NCAPD3: variants seen among roughly 807,000 people sequenced by gnomAD.
NCAPD3 encodes condensin-2 complex subunit D3.
A neutral mutation model predicts 182.9 loss-of-function variants in NCAPD3; 105 were observed. The ratio of observed to expected loss-of-function variants is 0.57; its 90% CI spans 0.49 to 0.68. NCAPD3 has a LOEUF of 0.68. Ranked by LOEUF, NCAPD3 falls within the 30% of genes least tolerant of loss-of-function variation. The probability of loss-of-function intolerance (pLI) is 0.00; values close to 1 mark genes in which losing one functional copy is unlikely to be tolerated. For synonymous variants in NCAPD3, 815 were observed against 679.9 expected, an observed-to-expected ratio of 1.20 and a Z score of -3.09; for missense variants, 1,944 against 1,837.0, an observed-to-expected ratio of 1.06 and a Z score of -1.07.
At chr11:134,214,923 A>T (rs774341312) in intron 3 of NCAPD3, among the ~76,000 whole-genome samples, 1 of 152,186 alleles carries the variant, frequency 6.6e-6, no homozygotes, top group Non-Finnish European at 1.5e-5. Context: ...AAAATATCTC[A>T]AAAAAAGAAT....
chr11:134,205,778 C>A (rs1937599924), intron 8 of NCAPD3, among the ~76,000 whole-genome samples: 1 of 152,178 alleles, frequency 6.6e-6, no homozygotes, highest in African/African-American at 2.4e-5. Context: ...GAGAAACTCT[C>A]ATGGAAAAAA....
Position 134,158,447 on chromosome 11 carries a change from G to T in NCAPD3, c.3916C>A (p.Pro1306Thr), listed in dbSNP as rs758877192. The T allele has an allele frequency of 1.2e-6, 2 of 1,614,142 alleles. No individual in the cohort carries two copies. Among genetic ancestry groups the T allele is most frequent in the Non-Finnish European group, 1.7e-6 (2 of 1,180,036 alleles). ...TGGCTCACGGCAGGTGACATGGCAGGGTTTTCTTGGCCAGCAGGAACTGGC... is the reference window on the plus strand; with the variant it reads ...TGGCTCACGGCAGGTGACATGGCAGTGTTTTCTTGGCCAGCAGGAACTGGC... ...TVPVPAGQEN[P>T]AMSPAVSQPC... Residue 1306 changes from proline to threonine, a missense_variant, in exon 30 of 35, where the codon CCT becomes ACT. Pro to Thr is a conservative substitution (Grantham distance 38, BLOSUM62 -1). Coordinates refer to ENST00000534548, the MANE Select transcript of NCAPD3 (RefSeq NM_015261.3).
Position 134,161,897 on chromosome 11 carries a change from A to G in NCAPD3, c.3574-6T>C. 7.0e-7 allele frequency: 1 copy of G among 1,419,396 alleles called. No homozygotes were observed. The highest frequency in any genetic ancestry group is 9.8e-7 in the Non-Finnish European group (1 of 1,021,426). The allele number at this position is 1,419,396 out of a possible 1,614,324, so 87.9% of individuals were successfully genotyped here. A position where few individuals can be genotyped will look rare whatever the true frequency, so the allele number is the denominator to read the frequency against. On this transcript the variant is annotated splice_polypyrimidine_tract_variant and splice_region_variant and intron_variant, in intron 27 of 34. Transcript: ENST00000534548. ...ATGAAATTCCTCTTCTGAACCTGGT[A>G]ACACAAACAAAGACATGTTTTAGAT... is the stretch of plus-strand genomic sequence containing the variant.
intron 24 of NCAPD3, among the ~76,000 whole-genome samples, chr11:134,169,402 A>T (rs1013217777): frequency 6.6e-6 from 1 of 152,254 alleles, no homozygotes; most frequent in Non-Finnish European, 1.5e-5. Flanking sequence ...GTGGTCTTAT[A>T]AGACTGATGC....
intron 3 of NCAPD3, among the ~76,000 whole-genome samples, chr11:134,211,745 G>A (rs1225143410): frequency 6.6e-6 from 1 of 151,946 alleles, no homozygotes; most frequent in Non-Finnish European, 1.5e-5. Flanking sequence ...ATCTGAAAAA[G>A]AAACATTCAC....
At chr11:134,160,217 G>A (rs1943539550) in intron 28 of NCAPD3, 143 bp from the exon 29 acceptor site, 1 of 760,414 alleles carries the variant, frequency 1.3e-6, no homozygotes. Flanking sequence ...AGTTAAGAAA[G>A]AAAAAAGCCC....
rs1303772734 is a variant in NCAPD3 at position 134,181,110 on chromosome 11, C to T, written c.2526G>A (p.Glu842=). 6.2e-7 allele frequency: 1 copy of T among 1,614,154 alleles called. No homozygotes were observed. Among genetic ancestry groups the T allele is most frequent in the East Asian group, 2.2e-5 (1 of 44,876 alleles). Residue 842 remains glutamate, a synonymous_variant, in exon 20 of 35, where the codon GAG becomes GAA. Coordinates refer to ENST00000534548, the MANE Select transcript of NCAPD3 (RefSeq NM_015261.3). ...CTTCGTCCATATTCCCTGTTCCATT[C>T]TCCTTGAGAACGATGTTGGAGAGGC... ...EHRLSNIVLK[E]NGTGNMDEDL...
At chr11:134,167,168 T>C (rs1591828879) in intron 27 of NCAPD3, among the ~76,000 whole-genome samples, 2 of 107,540 alleles carry the variant, frequency 1.9e-5, no homozygotes, top group Non-Finnish European at 1.9e-5. Context: ...TGAGGTGAGC[T>C]TGGGGGAGGC....
In NCAPD3 at chr11:134,168,480, A is replaced by C. The variant is rs1195502916; in HGVS notation, c.3362T>G (p.Leu1121Arg). Residue 1121 changes from leucine to arginine, a missense_variant, in exon 26 of 35, where the codon CTT (leucine) becomes CGT (arginine). Physicochemically the swap from Leu to Arg is moderately radical, Grantham distance 102. Around this residue, in one of 3 missense-constraint regions of NCAPD3, gnomAD observed 1,803 missense variants for 1,674.6 expected, o/e 1.08. Coordinates refer to ENST00000534548, the MANE Select transcript of NCAPD3 (RefSeq NM_015261.3). ...CACACTGGGCTTACCCAAAATACTA[A>C]GGCAGATTTTGGAAGTGATGTTGAA... ...QRFNITSKIC[L>R]SILACFADGI... 1.2e-5 allele frequency: 20 copies of C among 1,614,068 alleles called. No homozygotes were observed. In the Admixed American group the frequency reaches 3.3e-4, roughly 27 times the overall value.
At position 134,190,498 on chromosome 11, in the gene NCAPD3, T is replaced by A. The variant is rs80290899; in HGVS notation, c.2045+2191A>T. 7.6e-3 allele frequency among the ~76,000 whole-genome samples: 1,151 copies of A among 152,288 alleles called. 6 individuals are homozygous for A. Among genetic ancestry groups the A allele is most frequent in the Non-Finnish European group, 0.012 (818 of 68,026 alleles). On this transcript the variant is annotated intron_variant, in intron 16 of 34. Transcript: ENST00000534548. ...ATCCTTCTGAAGTACATCCTTTTTA[T>A]TTTTTTGAGATGAGGTCTTGCTCTG... is the stretch of plus-strand genomic sequence containing the variant.
rs530681108 is a variant in NCAPD3 at position 134,194,817 on chromosome 11, G to C, written c.1616-79C>G. On this transcript the variant is annotated intron_variant, in intron 13 of 34. Transcript: ENST00000534548. The stretch of plus-strand genomic sequence containing the variant: ...CTAACATTTCACCACACAATACCCA[G>C]AAAATACACTCATCTTAAAGACTCA... 2.7e-5 allele frequency: 24 copies of C among 882,240 alleles called. No individual in the cohort carries two copies. In the Middle Eastern group the frequency reaches 9.0e-4, roughly 33 times the overall value. The allele number at this position is 882,240 out of a possible 1,614,324, so 54.7% of individuals were successfully genotyped here. A position where few individuals can be genotyped will look rare whatever the true frequency, so the allele number is the denominator to read the frequency against.
chr11:134,157,917 A>C lies in NCAPD3; in HGVS notation c.4174+11T>G, dbSNP rs1214949760. ...TGCTCTACTGTGTCTGGCACCAAAC[A>C]TAAGGCTTACCCTGACTGCACGTTT... is the stretch of plus-strand genomic sequence containing the variant. On this transcript the variant is annotated intron_variant, in intron 31 of 34. Transcript: ENST00000534548. 6.2e-7 allele frequency: 1 copy of C among 1,610,860 alleles called. No homozygotes were observed. Among genetic ancestry groups the C allele is most frequent in the Admixed American group, 1.7e-5 (1 of 59,810 alleles).
chr11:134,163,799 G>C lies in NCAPD3; in HGVS notation c.3574-1908C>G, dbSNP rs558217365. 1.5e-4 allele frequency among the ~76,000 whole-genome samples: 22 copies of C among 150,420 alleles called. No homozygotes were observed. The East Asian group carries it at 3.1e-3, about 21-fold the overall frequency. On this transcript the variant is annotated intron_variant, in intron 27 of 34. Coordinates refer to ENST00000534548, the MANE Select transcript of NCAPD3 (RefSeq NM_015261.3). ...AGGCAGGAGAATGGCGTGAACCTGG[G>C]AGGCGGAGCTTGCAGTGAGCTGAGA...
chr11:134,184,889 C>T lies in NCAPD3; in HGVS notation c.2335+14G>A. On this transcript the variant is annotated intron_variant, in intron 18 of 34. Coordinates refer to ENST00000534548, the MANE Select transcript of NCAPD3 (RefSeq NM_015261.3). ...CAATGCATTTTCACATAAGATTCTC[C>T]AGCAGACACTCACCAGTCACTTTGT... 6.3e-7 allele frequency: 1 copy of T among 1,591,840 alleles called. No individual in the cohort carries two copies. The highest frequency in any genetic ancestry group is 8.6e-7 in the Non-Finnish European group (1 of 1,160,288).
At chr11:134,209,536 G>T in intron 4 of NCAPD3, 59 bp from the exon 5 acceptor site, 1 of 1,512,352 alleles carries the variant, frequency 6.6e-7, no homozygotes, top group South Asian at 1.2e-5. Flanking sequence ...TTGTCCCATG[G>T]TTTTCAATTT....
intron 32 of NCAPD3, 50 bp downstream of exon 32, chr11:134,156,968 A>G (rs776315470): frequency 1.4e-6 from 2 of 1,471,942 alleles, no homozygotes; most frequent in South Asian, 1.2e-5. Flanking sequence ...ACACATCACG[A>G]ATGCAGGAGA....
chr11:134,171,663 G>C (rs1944008470), intron 24 of NCAPD3, among the ~76,000 whole-genome samples: 1 of 152,178 alleles, frequency 6.6e-6, no homozygotes, highest in African/African-American at 2.4e-5. Flanking sequence ...CCAAGCGCCT[G>C]TGATGGTCTG....
intron 27 of NCAPD3, among the ~76,000 whole-genome samples, chr11:134,165,877 G>A (rs1943771147): frequency 7.6e-6 from 1 of 131,204 alleles, no homozygotes; most frequent in African/African-American, 2.9e-5. Context: ...ACACTCACTA[G>A]TGAGATGAGC....
Position 134,152,687 on chromosome 11 carries a change from G to T in NCAPD3, c.*257C>A. ...CTGAATGGGCTTGACACTTTCAAAT[G>T]GAATAAAGTTACAATATTAAACAGA... On this transcript the variant is annotated 3_prime_UTR_variant, in exon 35 of 35. Coordinates refer to ENST00000534548, the MANE Select transcript of NCAPD3 (RefSeq NM_015261.3). The T allele has an allele frequency of 2.8e-6, 1 of 362,824 alleles. No homozygotes were observed. The allele number at this position is 362,824 out of a possible 1,614,324, so 22.5% of individuals were successfully genotyped here. A position where few individuals can be genotyped will look rare whatever the true frequency, so the allele number is the denominator to read the frequency against.
Sources: gnomAD v4.1 joint callset for allele counts (sites outside exome capture counted in the v4.1 genomes callset) on GRCh38, gnomAD v4.1.1 for gene constraint, gnomAD v4.1.1 regional missense constraint, MANE v1.5 for transcripts, NCBI Gene and HGNC (gene_info 2026-07-23, HGNC 2026-07-21) for gene names.